KIF1B: variants seen among roughly 807,000 people sequenced by gnomAD.
KIF1B encodes the protein kinesin-like protein KIF1B.
Under a neutral mutation model 241.9 loss-of-function variants are expected in KIF1B, and 76 were observed. The ratio of observed to expected loss-of-function variants is 0.31; its 90% CI spans 0.26 to 0.38. The LOEUF (loss-of-function observed/expected upper bound fraction) is 0.38. Among genes scored for constraint, KIF1B ranks in the 10% least tolerant of loss-of-function variants. The pLI is 1.00. For synonymous variants in KIF1B, 750 were observed against 796.7 expected (o/e 0.94, Z 0.99); for missense variants, 1,622 against 2,271.4 (o/e 0.71, Z 5.81).
intron 22 of KIF1B, among the ~76,000 whole-genome samples, chr1:10,314,815 T>C (rs1557708838): frequency 1.3e-5 from 2 of 151,680 alleles, no homozygotes. Flanking sequence ...AAGGTCATCC[T>C]CATACCTTAA....
chr1:10,320,678 T>C (rs920256210), intron 23 of KIF1B, among the ~76,000 whole-genome samples: 1 of 152,190 alleles, frequency 6.6e-6, no homozygotes, highest in African/African-American at 2.4e-5. Flanking sequence ...GGCTTCAAAC[T>C]AACTTTGAAG....
At chr1:10,225,945 A>G (rs1402863919) in intron 1 of KIF1B, among the ~76,000 whole-genome samples, 1 of 152,228 alleles carries the variant, frequency 6.6e-6, no homozygotes, top group African/African-American at 2.4e-5. Flanking sequence ...TATGTGGTAC[A>G]GATAGGGCAG....
intron 22 of KIF1B, among the ~76,000 whole-genome samples, chr1:10,310,594 G>T (rs1343776211): frequency 3.3e-5 from 5 of 151,590 alleles, no homozygotes; most frequent in Non-Finnish European, 2.9e-5. Context: ...ATAGTTTGCC[G>T]ACCCCGATCT....
intron 23 of KIF1B, among the ~76,000 whole-genome samples, chr1:10,321,352 C>T (rs889031877): frequency 1.3e-5 from 2 of 152,158 alleles, no homozygotes; most frequent in East Asian, 3.9e-4. Flanking sequence ...GATCCGCCTA[C>T]CTCTGCCTTC....
Position 10,352,713 on chromosome 1 carries a change from G to C in KIF1B, c.4032G>C (p.Leu1344=). 1.2e-5 allele frequency: 20 copies of C among 1,613,858 alleles called. No individual in the cohort carries two copies. The highest frequency in any genetic ancestry group is 1.7e-5 in the Non-Finnish European group (20 of 1,179,822). ...LSLNIISAKY[L]KSSHNSSRTF... ...TAAATATTATTTCTGCCAAGTACCT[G>C]AAGTCTTCCCACAACTCTAGCAGGT... The change falls in exon 38 of 49, where the codon CTG becomes CTC. Residue 1344 remains leucine, a synonymous_variant. Coordinates refer to ENST00000676179, the MANE Select transcript of KIF1B (RefSeq NM_001365951.3).
intron 43 of KIF1B, among the ~76,000 whole-genome samples, chr1:10,366,104 G>A (rs1024652047): frequency 3.3e-5 from 5 of 151,936 alleles, no homozygotes; most frequent in Admixed American, 6.6e-5. Context: ...GGTGGCGAGC[G>A]CCTGTAATCC....
In KIF1B at chr1:10,267,318, G is replaced by A. The variant is rs537479382; in HGVS notation, c.430-62G>A. ...GCTGGGATTACAGGCGTGAGCCACC[G>A]CGCCCGGCTTCTGTATGTGATTTCT... On this transcript the variant is annotated intron_variant, in intron 5 of 48. Coordinates refer to ENST00000676179, the MANE Select transcript of KIF1B (RefSeq NM_001365951.3). 1.3e-4 allele frequency: 190 copies of A among 1,486,348 alleles called. No homozygotes were observed. The Middle Eastern group carries it at 3.4e-3, about 26-fold the overall frequency. 92.1% of individuals were successfully genotyped at this position (1,486,348 alleles called of 1,614,324 possible).
At chr1:10,315,777 C>T (rs954271554) in intron 22 of KIF1B, among the ~76,000 whole-genome samples, 18 of 151,178 alleles carry the variant, frequency 1.2e-4, no homozygotes, top group African/African-American at 3.4e-4. Flanking sequence ...ATAAAGGGGC[C>T]GGGTGCAGTG....
At chr1:10,244,901 C>G (rs368929520) in intron 2 of KIF1B, among the ~76,000 whole-genome samples, 3 of 152,176 alleles carry the variant, frequency 2.0e-5, no homozygotes, top group African/African-American at 7.2e-5. Context: ...CATGAGCCAC[C>G]GCGCCCGGCC....
intron 45 of KIF1B, among the ~76,000 whole-genome samples, chr1:10,373,069 C>G (rs1328382766): frequency 6.6e-6 from 1 of 152,004 alleles, no homozygotes; most frequent in South Asian, 2.1e-4. Flanking sequence ...CCCGCCTCGA[C>G]CTCCCAAAGT....
At chr1:10,332,308 C>T (rs1383931309) in intron 27 of KIF1B, among the ~76,000 whole-genome samples, 3 of 151,772 alleles carry the variant, frequency 2.0e-5, no homozygotes, top group East Asian at 1.9e-4. Context: ...TCAGGTGACC[C>T]GCCTGCCTCG....
At chr1:10,291,270 A>G (rs1649982722) in intron 16 of KIF1B, 109 bp downstream of exon 16, 1 of 827,072 alleles carries the variant, frequency 1.2e-6, no homozygotes, top group African/African-American at 1.7e-5. Flanking sequence ...CTGCCCTTCT[A>G]AAACACAAAA....
intron 15 of KIF1B, among the ~76,000 whole-genome samples, chr1:10,287,238 G>T (rs1041796775): frequency 6.6e-6 from 1 of 152,150 alleles, no homozygotes; most frequent in Non-Finnish European, 1.5e-5. Context: ...AGCTTCTCTG[G>T]TCTGTTGGAA....
At chr1:10,212,338 AGCAAGT>A (rs1403958398) in intron 1 of KIF1B, among the ~76,000 whole-genome samples, 1 of 152,234 alleles carries the variant, frequency 6.6e-6, no homozygotes, top group Non-Finnish European at 1.5e-5. Flanking sequence ...TGGATTATAG[AGCAAGT>A]GTTGTTAATG....
At chr1:10,254,140 G>A (rs1048030984) in intron 2 of KIF1B, among the ~76,000 whole-genome samples, 9 of 152,194 alleles carry the variant, frequency 5.9e-5, no homozygotes, top group Non-Finnish European at 1.0e-4. Context: ...AGCTTTGTGT[G>A]TATGAGTGAG....
Position 10,345,942 on chromosome 1 carries a change from G to C in KIF1B, c.3786G>C (p.Glu1262Asp). Residue 1262 changes from glutamate to aspartate, a missense_variant, in exon 35 of 49, where the codon GAG (glutamate) becomes GAC (aspartate). This residue lies in a region of KIF1B where 803 missense variants were observed against 1,112.0 expected (regional missense o/e 0.72). Transcript: ENST00000676179. ...LLVWFEISEL[E>D]PTGEYIPAVV... ...TTTGGTTTGAGATCAGTGAACTGGAGCCTACAGGAGAGTAAGTCCAACTTA... is the reference window on the plus strand; with the variant it reads ...TTTGGTTTGAGATCAGTGAACTGGACCCTACAGGAGAGTAAGTCCAACTTA... 13 of 1,604,640 alleles carry C rather than the reference G, an allele frequency of 8.1e-6. No homozygotes were observed. The highest frequency in any genetic ancestry group is 1.1e-5 in the Non-Finnish European group (13 of 1,171,366).
chr1:10,286,143 A>G (rs1203910775), intron 15 of KIF1B, among the ~76,000 whole-genome samples: 1 of 151,836 alleles, frequency 6.6e-6, no homozygotes, highest in Non-Finnish European at 1.5e-5. Flanking sequence ...AGGTTCAAGC[A>G]ACTCTCCTGC....
intron 22 of KIF1B, among the ~76,000 whole-genome samples, chr1:10,315,130 C>T (rs1651244394): frequency 6.7e-6 from 1 of 149,636 alleles, no homozygotes; most frequent in East Asian, 1.9e-4. Flanking sequence ...GGCAGTTTAC[C>T]CCAAATACTT....
At position 10,268,207 on chromosome 1, in the gene KIF1B, A is replaced by T; in HGVS notation, c.664A>T (p.Thr222Ser). The change falls in exon 7 of 49, where the codon ACG (threonine) becomes TCG (serine). Residue 222 changes from threonine (T) to serine (S), a missense_variant. By Grantham distance (58) the Thr-to-Ser change is moderately conservative. Around this residue, in one of 7 missense-constraint regions of KIF1B, gnomAD observed 201 missense variants for 301.2 expected, o/e 0.67. Coordinates refer to ENST00000676179, the MANE Select transcript of KIF1B (RefSeq NM_001365951.3). ...AAGTAGCCGTTCCCACGCTGTGTTTACGATTGTTTTCACCCAGAAGAAACA... is the reference window on the plus strand; with the variant it reads ...AAGTAGCCGTTCCCACGCTGTGTTTTCGATTGTTTTCACCCAGAAGAAACA... Reference protein sequence around the residue: ...ETSSRSHAVFTIVFTQKKHDN... With the variant: ...ETSSRSHAVFSIVFTQKKHDN... 6.2e-7 allele frequency: 1 copy of T among 1,614,050 alleles called. No individual in the cohort carries two copies. The highest frequency in any genetic ancestry group is 2.2e-5 in the East Asian group (1 of 44,886).
Sources: gnomAD v4.1 joint callset for allele counts (sites outside exome capture counted in the v4.1 genomes callset) on GRCh38, gnomAD v4.1.1 for gene constraint, gnomAD v4.1.1 regional missense constraint, MANE v1.5 for transcripts, NCBI Gene and HGNC (gene_info 2026-07-23, HGNC 2026-07-21) for gene names.